Variants in FIRRM observed in about 807,000 individuals in gnomAD.
The protein encoded by FIRRM is FIGNL1-interacting regulator of recombination and mitosis.
At chr1:169,839,274 C>G in the FIRRM span, among the ~76,000 whole-genome samples, 1 of 152,018 alleles carries the variant, frequency 6.6e-6, no homozygotes, top group Non-Finnish European at 1.5e-5. Context: ...TGTTTTCTTT[C>G]GGATATGTAC....
chr1:169,803,451 A>C, the FIRRM span: 1 of 912,600 alleles, frequency 1.1e-6, no homozygotes, highest in Non-Finnish European at 1.5e-6. Flanking sequence ...ACATGTAAGT[A>C]AATAATTGTT....
At chr1:169,816,408 A>G in the FIRRM span, among the ~76,000 whole-genome samples, 2 of 152,178 alleles carry the variant, frequency 1.3e-5, no homozygotes, top group African/African-American at 2.4e-5. Context: ...AAAAACACCT[A>G]ATAACAAGTG....
the FIRRM span, among the ~76,000 whole-genome samples, chr1:169,787,816 C>G: frequency 6.6e-6 from 1 of 152,178 alleles, no homozygotes; most frequent in Non-Finnish European, 1.5e-5. Flanking sequence ...AGAAGGAAAA[C>G]CCATCTCTTA....
the FIRRM span, among the ~76,000 whole-genome samples, chr1:169,841,359 GTT>G: frequency 3.9e-5 from 6 of 152,230 alleles, no homozygotes; most frequent in Admixed American, 2.6e-4. Flanking sequence ...TGCTAGTATC[GTT>G]TTGAGGATTT....
the FIRRM span, among the ~76,000 whole-genome samples, chr1:169,791,295 T>C: frequency 6.6e-6 from 1 of 152,242 alleles, no homozygotes; most frequent in Non-Finnish European, 1.5e-5. Context: ...TAAATTACTT[T>C]CTTCATATTA....
At chr1:169,828,656 C>T in the FIRRM span, among the ~76,000 whole-genome samples, 9 of 152,006 alleles carry the variant, frequency 5.9e-5, no homozygotes, top group East Asian at 1.7e-3. Flanking sequence ...TCAAGTGATT[C>T]TCCTACCTTA....
chr1:169,795,699 G>A, the FIRRM span: 2 of 986,422 alleles, frequency 2.0e-6, no homozygotes, highest in Non-Finnish European at 2.4e-6. Flanking sequence ...GAATTAAAGG[G>A]CATAGTTCTG....
chr1:169,837,470 C>T, the FIRRM span, among the ~76,000 whole-genome samples: 1 of 152,002 alleles, frequency 6.6e-6, no homozygotes. Context: ...TGCTAACTTA[C>T]TCTGAACCTT....
chr1:169,785,437 G>A, the FIRRM span, among the ~76,000 whole-genome samples: 25 of 152,346 alleles, frequency 1.6e-4, no homozygotes, highest in Non-Finnish European at 3.2e-4. Flanking sequence ...TGGACTTGAA[G>A]GATGAATGTG....
chr1:169,829,356 G>C, the FIRRM span: 27 of 1,613,796 alleles, frequency 1.7e-5, no homozygotes, highest in Non-Finnish European at 2.3e-5. Context: ...AGAGTAAGGG[G>C]AAAGCTGAGG....
At chr1:169,802,245 C>T in the FIRRM span, among the ~76,000 whole-genome samples, 2 of 151,986 alleles carry the variant, frequency 1.3e-5, no homozygotes, top group Non-Finnish European at 2.9e-5. Flanking sequence ...CAGAAAATAC[C>T]CTTGTAAATG....
chr1:169,800,996 CAT>C, the FIRRM span: 429 of 1,230,164 alleles, frequency 3.5e-4, 5 homozygotes, highest in South Asian at 5.3e-3. Flanking sequence ...CCTGAAAATA[CAT>C]GTTATAAGGA....
the FIRRM span, chr1:169,851,761 A>G: frequency 6.3e-7 from 1 of 1,581,686 alleles, no homozygotes; most frequent in Admixed American, 1.8e-5. Flanking sequence ...GCCATTTCAT[A>G]TCTAGTAGAG....
the FIRRM span, among the ~76,000 whole-genome samples, chr1:169,833,846 C>CTTTTT: frequency 5.2e-4 from 50 of 96,046 alleles, no homozygotes; most frequent in South Asian, 4.1e-4. Flanking sequence ...AGTCACTTTC[C>CTTTTT]TTTTTTTTTT....
the FIRRM span, among the ~76,000 whole-genome samples, chr1:169,831,832 C>G: frequency 6.6e-6 from 1 of 152,266 alleles, no homozygotes; most frequent in East Asian, 1.9e-4. Flanking sequence ...TCATAGTTCA[C>G]TACAGCCTCA....
At chr1:169,820,240 G>A in the FIRRM span, among the ~76,000 whole-genome samples, 2 of 152,208 alleles carry the variant, frequency 1.3e-5, no homozygotes, top group African/African-American at 4.8e-5. Context: ...GGTGGGGAAG[G>A]TGAGGAGCTC....
the FIRRM span, among the ~76,000 whole-genome samples, chr1:169,796,617 C>T: frequency 1.3e-5 from 2 of 152,216 alleles, no homozygotes; most frequent in African/African-American, 4.8e-5. Context: ...CCCTTATCAC[C>T]TCTCACTTGG....
At chr1:169,807,765 G>A in the FIRRM span, 1 of 1,547,836 alleles carries the variant, frequency 6.5e-7, no homozygotes, top group Non-Finnish European at 8.7e-7. Context: ...TGTGGTGATT[G>A]TATTCTTTTC....
At chr1:169,849,467 T>C in the FIRRM span, 12 of 1,497,310 alleles carry the variant, frequency 8.0e-6, no homozygotes, top group Non-Finnish European at 1.0e-5. Context: ...TATGGTTTCT[T>C]TTCTCTATTA....
Sources: allele counts gnomAD v4.1 joint callset (sites outside exome capture counted in the v4.1 genomes callset), GRCh38; gene constraint gnomAD v4.1.1; transcripts MANE v1.5; gene names NCBI Gene and HGNC (gene_info 2026-07-23, HGNC 2026-07-21).